Variants in AK4 observed in about 807,000 individuals in gnomAD.
The protein encoded by AK4 is adenylate kinase 4, also known as adenylate kinase 4, mitochondrial.
In AK4, 13 loss-of-function variants were observed where a neutral mutation model predicts 24.6. That is an observed-to-expected ratio of 0.53 (90% CI 0.34 to 0.84). The LOEUF (loss-of-function observed/expected upper bound fraction) is 0.84, where lower values mean the gene tolerates loss of function less well. AK4 is among the 40% of genes least tolerant of loss of function. AK4 has a pLI of 0.01. For synonymous variants in AK4, 88 were observed against 107.0 expected (o/e 0.82, Z 1.10); for missense variants, 192 against 288.2 (o/e 0.67, Z 2.42).
chr1:65,225,953 G>A (rs1228598170), intron 4 of AK4, 110 bp from the exon 5 acceptor site: 4 of 1,140,232 alleles, frequency 3.5e-6, no homozygotes, highest in East Asian at 5.1e-5. Context: ...ACTTAGTGTG[G>A]TATATGATAT....
intron 1 of AK4, among the ~76,000 whole-genome samples, chr1:65,185,176 C>T (rs1490841902): frequency 6.6e-6 from 1 of 152,126 alleles, no homozygotes; most frequent in Non-Finnish European, 1.5e-5. Flanking sequence ...TTTGCTTCCA[C>T]CATGCCACAT....
intron 1 of AK4, among the ~76,000 whole-genome samples, chr1:65,188,978 T>C (rs1651199140): frequency 6.6e-6 from 1 of 151,942 alleles, no homozygotes; most frequent in Admixed American, 6.6e-5. Flanking sequence ...TCTTGCTCTG[T>C]CACCCAGTGC....
At chr1:65,168,356 G>C (rs1014451933) in intron 1 of AK4, among the ~76,000 whole-genome samples, 2 of 152,136 alleles carry the variant, frequency 1.3e-5, no homozygotes, top group African/African-American at 4.8e-5. Context: ...ATGTTGGTAA[G>C]TCTGGTCTTG....
At chr1:65,170,856 C>T (rs972865980) in intron 1 of AK4, among the ~76,000 whole-genome samples, 3 of 152,056 alleles carry the variant, frequency 2.0e-5, no homozygotes, top group South Asian at 2.1e-4. Flanking sequence ...TCAAGTGTTA[C>T]GCAAGGCAAA....
intron 3 of AK4, 78 bp downstream of exon 3, chr1:65,219,004 A>G: frequency 8.5e-7 from 1 of 1,181,972 alleles, no homozygotes. Context: ...AGAAAAGGAT[A>G]TGAGTAGACC....
chr1:65,198,414 T>A (rs903672176), intron 2 of AK4, among the ~76,000 whole-genome samples: 1 of 152,202 alleles, frequency 6.6e-6, no homozygotes, highest in African/African-American at 2.4e-5. Flanking sequence ...TTATATCTAA[T>A]GGGTCCTGAA....
At chr1:65,172,025 C>T (rs1475002553) in intron 1 of AK4, among the ~76,000 whole-genome samples, 63 of 134,144 alleles carry the variant, frequency 4.7e-4, no homozygotes, top group African/African-American at 1.6e-3. Flanking sequence ...TGTGTCACTG[C>T]ACTCCAACCT....
At chr1:65,191,406 G>T (rs1170885684) in intron 2 of AK4, among the ~76,000 whole-genome samples, 2 of 151,980 alleles carry the variant, frequency 1.3e-5, no homozygotes, top group Non-Finnish European at 2.9e-5. Context: ...CACTATAAAA[G>T]AATCATTATA....
Position 65,231,359 on chromosome 1 carries a change from A to T in AK4, c.*5182A>T, listed in dbSNP as rs150191678. On this transcript the variant is annotated 3_prime_UTR_variant, in exon 5 of 5. Coordinates refer to ENST00000327299, the MANE Select transcript of AK4 (RefSeq NM_013410.4). ...TTTGTGTGTGTGTGGTGTGTGTGTG[A>T]GAGAGAGAGATACTGCAGTAAAACA... 3.3e-3 allele frequency: 509 copies of T among 152,356 alleles called. 5 individuals are homozygous for T. Among genetic ancestry groups the T allele is most frequent in the Non-Finnish European group, 2.5e-3 (168 of 68,222 alleles). 9.4% of individuals were successfully genotyped at this position (152,356 alleles called of 1,614,324 possible). A position where few individuals can be genotyped will look rare whatever the true frequency, so the allele number is the denominator to read the frequency against.
intron 2 of AK4, among the ~76,000 whole-genome samples, chr1:65,203,033 T>G (rs1651712085): frequency 6.6e-6 from 1 of 151,974 alleles, no homozygotes. Flanking sequence ...CCACTACGCC[T>G]GGCCAATTTT....
At chr1:65,226,019 A>G in intron 4 of AK4, 44 bp from the exon 5 acceptor site, 2 of 1,597,208 alleles carry the variant, frequency 1.3e-6, no homozygotes, top group African/African-American at 2.7e-5. Flanking sequence ...AATACGTGGA[A>G]AAGAAACCTA....
intron 1 of AK4, among the ~76,000 whole-genome samples, chr1:65,176,490 T>C (rs7547221): frequency 0.27 from 40,630 of 151,934 alleles, 5,718 homozygotes; most frequent in East Asian, 0.52. Flanking sequence ...CTCTCACGTT[T>C]AGAACGGGCA....
chr1:65,167,356 A>G (rs951222428), intron 1 of AK4, among the ~76,000 whole-genome samples: 1 of 152,216 alleles, frequency 6.6e-6, no homozygotes, highest in Admixed American at 6.5e-5. Context: ...CAAGAGAGCT[A>G]TAAAATATTG....
At chr1:65,197,466 G>C (rs576796861) in intron 2 of AK4, among the ~76,000 whole-genome samples, 1 of 152,136 alleles carries the variant, frequency 6.6e-6, no homozygotes, top group East Asian at 1.9e-4. Flanking sequence ...ATAACCTTTA[G>C]CACGAGAGTC....
rs184738976 is a variant in AK4 at position 65,171,058 on chromosome 1, A to G, written c.146-19652A>G. ...CTGCTGCCTCCACCTGTCACTCAAG[A>G]GATCTTCCAACCTCAGCCTCCCGAG... On this transcript the variant is annotated intron_variant, in intron 1 of 4. Coordinates refer to ENST00000327299, the MANE Select transcript of AK4 (RefSeq NM_013410.4). 2.0e-5 allele frequency among the ~76,000 whole-genome samples: 3 copies of G among 147,126 alleles called. No homozygotes were observed. The East Asian group carries it at 6.0e-4, about 30-fold the overall frequency.
chr1:65,182,523 A>G (rs986439741), intron 1 of AK4, among the ~76,000 whole-genome samples: 1 of 152,034 alleles, frequency 6.6e-6, no homozygotes, highest in Non-Finnish European at 1.5e-5. Context: ...ACAGACAGAA[A>G]TAAGACATTC....
At chr1:65,169,995 G>A (rs1364923044) in intron 1 of AK4, among the ~76,000 whole-genome samples, 1 of 152,068 alleles carries the variant, frequency 6.6e-6, no homozygotes, top group Admixed American at 6.6e-5. Context: ...TAGAGGAAAT[G>A]AATTTTAGTG....
intron 1 of AK4, 57 bp from the exon 2 acceptor site, chr1:65,190,653 A>G: frequency 6.3e-7 from 1 of 1,580,038 alleles, no homozygotes; most frequent in Non-Finnish European, 8.6e-7. Flanking sequence ...AGAGTTGGTA[A>G]GCTTTGTGTT....
chr1:65,202,997 T>C (rs929656883), intron 2 of AK4, among the ~76,000 whole-genome samples: 2 of 150,290 alleles, frequency 1.3e-5, no homozygotes, highest in Non-Finnish European at 3.0e-5. Context: ...CTCAGCTCCC[T>C]GAGTAGCTGA....
Sources: allele counts gnomAD v4.1 joint callset (sites outside exome capture counted in the v4.1 genomes callset), GRCh38; gene constraint gnomAD v4.1.1; transcripts MANE v1.5; gene names NCBI Gene and HGNC (gene_info 2026-07-23, HGNC 2026-07-21).